The following OTOP3 variants were observed in gnomAD, a reference collection of about 807,000 sequenced individuals.
The protein encoded by OTOP3 is otopetrin 3, also known as proton channel OTOP3.
OTOP3 carries 41 observed loss-of-function variants against 50.8 expected under a neutral mutation model. That is an observed-to-expected ratio of 0.81 (90% CI 0.63 to 1.05). The LOEUF (loss-of-function observed/expected upper bound fraction) is 1.05. Among genes scored for constraint, OTOP3 ranks in the 50% least tolerant of loss-of-function variants. OTOP3 has a pLI of 0.00. For synonymous variants in OTOP3, 320 were observed against 324.4 expected (o/e 0.99, Z 0.14); for missense variants, 788 against 760.8 (o/e 1.04, Z -0.42).
chr17:74,946,842 C>T lies in OTOP3; in HGVS notation c.933C>T (p.Thr311=), dbSNP rs147650534. The change falls in exon 6 of 7, where the codon ACC becomes ACT. Residue 311 remains threonine (T), a synonymous_variant. Coordinates refer to ENST00000328801, the MANE Select transcript of OTOP3 (RefSeq NM_001272005.2). ...VAPHMGAHPA[T]APFHLHGAIF... ...CCCACATGGGTGCCCACCCTGCCAC[C>T]GCACCCTTCCACCTGCACGGGGCCA... is the stretch of plus-strand genomic sequence containing the variant. 58 of 1,610,870 alleles carry T rather than the reference C, an allele frequency of 3.6e-5. No homozygotes were observed. In the African/African-American group the frequency reaches 5.5e-4, roughly 15 times the overall value.
rs1598607977 is a variant in OTOP3, at chr17:74,947,087, C to T, written c.1178C>T (p.Thr393Ile). 1.9e-6 allele frequency: 3 copies of T among 1,614,158 alleles called. No homozygotes were observed. The highest frequency in any genetic ancestry group is 2.5e-6 in the Non-Finnish European group (3 of 1,180,044). The stretch of plus-strand genomic sequence containing the variant: ...GAGCTGGACACGGTCAAGAACCCTA[C>T]CCGCAGCCTGGATGTGGTGCTGCTA... ...ERELDTVKNP[T>I]RSLDVVLLMG... The change falls in exon 6 of 7, where the codon ACC becomes ATC. Residue 393 changes from threonine to isoleucine, a missense_variant. Coordinates refer to ENST00000328801, the MANE Select transcript of OTOP3 (RefSeq NM_001272005.2).
At chr17:74,940,133 A>G (rs1235381337) in intron 1 of OTOP3, among the ~76,000 whole-genome samples, 1 of 100,656 alleles carries the variant, frequency 9.9e-6, no homozygotes, top group African/African-American at 4.2e-5. Context: ...ACACACACAC[A>G]TACATATATA....
At chr17:74,945,985 T>G (rs560951975) in intron 5 of OTOP3, among the ~76,000 whole-genome samples, 33 of 21,432 alleles carry the variant, frequency 1.5e-3, no homozygotes, top group Admixed American at 0.011. Context: ...TTTTTTGTGG[T>G]TTTTTTTTTT....
chr17:74,945,007 G>T (rs2039212120), intron 5 of OTOP3, among the ~76,000 whole-genome samples: 1 of 151,906 alleles, frequency 6.6e-6, no homozygotes, highest in African/African-American at 2.4e-5. Context: ...GAGTGCAGTG[G>T]TGAAATCATA....
intron 5 of OTOP3, 62 bp from the exon 6 acceptor site, chr17:74,946,599 C>G: frequency 4.3e-6 from 6 of 1,406,540 alleles, no homozygotes; most frequent in Middle Eastern, 1.8e-4. Context: ...ATCTGTGTAG[C>G]CAGTTTCCTC....
chr17:74,938,552 C>A (rs1001695350), intron 1 of OTOP3, among the ~76,000 whole-genome samples: 5 of 152,002 alleles, frequency 3.3e-5, no homozygotes, highest in African/African-American at 7.3e-5. Flanking sequence ...TGGGGGCGTT[C>A]CAGGAAGTGC....
rs2039227835 is a variant in OTOP3, at chr17:74,946,712, T to C, written c.803T>C (p.Phe268Ser). The C allele has an allele frequency of 6.2e-7, 1 of 1,612,992 alleles. No homozygotes were observed. Among genetic ancestry groups the C allele is most frequent in the Admixed American group, 1.7e-5 (1 of 60,012 alleles). The change falls in exon 6 of 7, where the codon TTC (phenylalanine) becomes TCC (serine). Residue 268 changes from phenylalanine (F) to serine (S), a missense_variant. Phe to Ser is a radical substitution (Grantham distance 155, BLOSUM62 -2). Transcript: ENST00000328801. ...LCLNATACEA[F>S]RRGFLMLYPF... ...CTCAATGCCACCGCGTGTGAAGCTT[T>C]CCGGAGAGGCTTCCTGATGCTCTAC...
rs2039264860 is a variant in OTOP3 at position 74,949,666 on chromosome 17, C to T, written c.*250C>T. ...ATGCCTGCCCCCTGCCTTCCCACCA[C>T]GATCCGCAAGCCAAGGGTGCACCCC... On this transcript the variant is annotated 3_prime_UTR_variant, in exon 7 of 7. Coordinates refer to ENST00000328801, the MANE Select transcript of OTOP3 (RefSeq NM_001272005.2). 1.8e-5 allele frequency: 9 copies of T among 488,958 alleles called. No individual in the cohort carries two copies. Among genetic ancestry groups the T allele is most frequent in the Admixed American group, 7.5e-5 (2 of 26,830 alleles). 30.3% of individuals were successfully genotyped at this position (488,958 alleles called of 1,614,324 possible).
In OTOP3 at chr17:74,949,195, C is replaced by A. The variant is rs371335281; in HGVS notation, c.1567-51C>A. 6.3e-6 allele frequency: 10 copies of A among 1,589,082 alleles called. No individual in the cohort carries two copies. In the African/African-American group the frequency reaches 1.3e-4, roughly 21 times the overall value. On this transcript the variant is annotated intron_variant, in intron 6 of 6. Transcript: ENST00000328801. ...GGGGCTGCCTCCCCTGAACTGAGTG[C>A]CTTGGGGCACAGGAGAGCCCTTCCC...
Position 74,942,808 on chromosome 17 carries a change from G to C in OTOP3, c.574-478G>C, listed in dbSNP as rs530713088. Among the ~76,000 whole-genome samples the C allele has an allele frequency of 1.0e-3, 155 of 152,048 alleles. 1 individual carries two copies. The highest frequency in any genetic ancestry group is 3.5e-3 in the African/African-American group (143 of 41,442). On this transcript the variant is annotated intron_variant, in intron 3 of 6. Coordinates refer to ENST00000328801, the MANE Select transcript of OTOP3 (RefSeq NM_001272005.2). Reference sequence around the variant, plus strand: ...TACAAAAACAAAATTAGCTGGGCGTGGTGGCAGGCGCCTGTAGTCCCAGCT... The same window carrying C: ...TACAAAAACAAAATTAGCTGGGCGTCGTGGCAGGCGCCTGTAGTCCCAGCT...
Position 74,947,491 on chromosome 17 carries a change from A to G in OTOP3, c.1566+16A>G, listed in dbSNP as rs2039241417. On this transcript the variant is annotated intron_variant, in intron 6 of 6. Coordinates refer to ENST00000328801, the MANE Select transcript of OTOP3 (RefSeq NM_001272005.2). ...CAATATCACAGTAAGTGGCTGGGCT[A>G]AGGGGCCTGGAGGGTAGAGGTGGCC... The G allele has an allele frequency of 4.4e-6, 7 of 1,578,846 alleles. No individual in the cohort carries two copies. Among genetic ancestry groups the G allele is most frequent in the Non-Finnish European group, 6.0e-6 (7 of 1,161,240 alleles).
chr17:74,938,795 T>C (rs1418594934), intron 1 of OTOP3, among the ~76,000 whole-genome samples: 1 of 151,874 alleles, frequency 6.6e-6, no homozygotes, highest in Non-Finnish European at 1.5e-5. Flanking sequence ...GGACTTTAAG[T>C]AGGGGAGAGG....
chr17:74,942,199 G>A (rs975063169), intron 3 of OTOP3, among the ~76,000 whole-genome samples, 162 bp downstream of exon 3: 1 of 152,098 alleles, frequency 6.6e-6, no homozygotes, highest in Admixed American at 6.6e-5. Flanking sequence ...AAGTGTCCAC[G>A]TCCACACATA....
chr17:74,945,497 T>C (rs1054121154), intron 5 of OTOP3, among the ~76,000 whole-genome samples: 3 of 152,210 alleles, frequency 2.0e-5, no homozygotes, highest in African/African-American at 4.8e-5. Flanking sequence ...CTCCTGGCAG[T>C]GTTTAACTCA....
chr17:74,938,104 T>C (rs925382336), intron 1 of OTOP3, among the ~76,000 whole-genome samples: 1 of 150,258 alleles, frequency 6.7e-6, no homozygotes, highest in African/African-American at 2.5e-5. Flanking sequence ...GATGACAGAG[T>C]GGAGTGGGAA....
intron 1 of OTOP3, among the ~76,000 whole-genome samples, chr17:74,937,535 C>G (rs2039131111): frequency 6.6e-6 from 1 of 152,072 alleles, no homozygotes; most frequent in Non-Finnish European, 1.5e-5. Context: ...AGGGAGACAT[C>G]CCGGTGAGCC....
At chr17:74,945,874 C>A (rs901582924) in intron 5 of OTOP3, among the ~76,000 whole-genome samples, 2 of 152,086 alleles carry the variant, frequency 1.3e-5, no homozygotes, top group East Asian at 3.8e-4. Flanking sequence ...GCAGCCTCAA[C>A]CTTCCAGGCT....
intron 5 of OTOP3, among the ~76,000 whole-genome samples, chr17:74,945,107 C>A (rs2039213153): frequency 6.6e-6 from 1 of 151,944 alleles, no homozygotes; most frequent in South Asian, 2.1e-4. Flanking sequence ...GCCAGCACAC[C>A]CAGCTAATTT....
chr17:74,946,304 G>A (rs1283634760), intron 5 of OTOP3, among the ~76,000 whole-genome samples: 2 of 152,052 alleles, frequency 1.3e-5, no homozygotes, highest in East Asian at 1.9e-4. Context: ...GTAGAGACGA[G>A]GTCTCACCAT....
Sources: allele counts gnomAD v4.1 joint callset (sites outside exome capture counted in the v4.1 genomes callset), GRCh38; gene constraint gnomAD v4.1.1; transcripts MANE v1.5; gene names NCBI Gene and HGNC (gene_info 2026-07-23, HGNC 2026-07-21).